Variants in CCDC122 observed in about 807,000 individuals in gnomAD.
CCDC122 encodes coiled-coil domain containing 122, also known as coiled-coil domain-containing protein 122.
CCDC122 carries 38 observed loss-of-function variants against 37.0 expected under a neutral mutation model. The observed-to-expected ratio is 1.03, with a 90% confidence interval of 0.79 to 1.35. The LOEUF (loss-of-function observed/expected upper bound fraction) is 1.35. Ranked by LOEUF, CCDC122 falls within the 40% of genes most tolerant of loss-of-function variation. The pLI, the probability that CCDC122 is intolerant of heterozygous loss-of-function variation, is 0.00. For missense variants in CCDC122, 305 were observed against 310.0 expected (o/e 0.98, Z 0.12); for synonymous variants, 83 against 95.6 (o/e 0.87, Z 0.77).
Position 43,825,694 on chromosome 13 carries a change from C to T in CCDC122, n.602-1683G>A, listed in dbSNP as rs556153979. Among the ~76,000 whole-genome samples the T allele has an allele frequency of 5.7e-5, 8 of 140,678 alleles. No homozygotes were observed. In the East Asian group the frequency reaches 1.4e-3, roughly 24 times the overall value. 92.3% of individuals were successfully genotyped at this position (140,678 alleles called of 152,430 possible). On this transcript the variant is annotated intron_variant and non_coding_transcript_variant, in intron 3 of 3. Coordinates refer to the CCDC122 transcript ENST00000470137. ...CTGAGGCAGGAGAATCACTTGAACT[C>T]GGGAGGCGGAGGTTGCAGTGAGTTG...
chr13:43,841,688 G>C (rs1302706747), intron 6 of CCDC122, among the ~76,000 whole-genome samples: 1 of 151,980 alleles, frequency 6.6e-6, no homozygotes, highest in African/African-American at 2.4e-5. Context: ...TTTTACTTTT[G>C]TGATTCTGTC....
chr13:43,873,429 T>A (rs1954508178), intron 2 of CCDC122, among the ~76,000 whole-genome samples: 4 of 152,138 alleles, frequency 2.6e-5, no homozygotes, highest in Admixed American at 1.3e-4. Context: ...CTCAGTAAAT[T>A]ATAAGTTCAT....
rs1953199604 is a variant in CCDC122 at position 43,837,346 on chromosome 13, T to G, written c.756A>C (p.Gln252His). ...TTTTTTCCAATTGTTGAATGTTCCA[T>G]TGCCACTGTCGTCTATTTGACTGAA... is the stretch of plus-strand genomic sequence containing the variant. The part of the protein sequence containing the change: ...NKLQSNRRQW[Q>H]WNIQQLEKTA... The change falls in exon 7 of 7, where the codon CAA (glutamine) becomes CAC (histidine). Residue 252 changes from glutamine (Q) to histidine (H), a missense_variant. By Grantham distance (24) the Gln-to-His change is conservative. Coordinates refer to ENST00000444614, the MANE Select transcript of CCDC122 (RefSeq NM_144974.5). 1 of 1,613,952 alleles carries G rather than the reference T, an allele frequency of 6.2e-7. No individual in the cohort carries two copies. Among genetic ancestry groups the G allele is most frequent in the East Asian group, 2.2e-5 (1 of 44,872 alleles).
intron 3 of CCDC122, among the ~76,000 whole-genome samples, chr13:43,825,487 A>T (rs1369687806): frequency 6.6e-6 from 1 of 151,850 alleles, no homozygotes; most frequent in East Asian, 1.9e-4. Context: ...AGGAGGGTGT[A>T]GGCCAGGGAT....
At chr13:43,865,620 A>C (rs890067356) in intron 4 of CCDC122, among the ~76,000 whole-genome samples, 3 of 152,126 alleles carry the variant, frequency 2.0e-5, no homozygotes, top group African/African-American at 7.2e-5. Flanking sequence ...ACTGTACTCA[A>C]CATGCCCAGC....
chr13:43,856,009 A>G (rs1192724871), intron 6 of CCDC122: 1 of 152,244 alleles, frequency 6.6e-6, no homozygotes, highest in Non-Finnish European at 1.5e-5. Flanking sequence ...CATATACACC[A>G]TGAAATACTA....
intron 6 of CCDC122, among the ~76,000 whole-genome samples, chr13:43,841,610 T>C (rs1953355034): frequency 6.6e-6 from 1 of 152,250 alleles, no homozygotes; most frequent in Non-Finnish European, 1.5e-5. Context: ...TATTATAGGC[T>C]GATAGGATTT....
chr13:43,844,245 A>G (rs775315654), intron 6 of CCDC122, among the ~76,000 whole-genome samples: 14 of 151,818 alleles, frequency 9.2e-5, no homozygotes, highest in Non-Finnish European at 1.8e-4. Context: ...ATTATCCTTC[A>G]ATTTCAAATA....
At chr13:43,823,562 C>A (rs1953011735), downstream of CCDC122, among the ~76,000 whole-genome samples, 1 of 152,216 alleles carries the variant, frequency 6.6e-6, no homozygotes, top group South Asian at 2.1e-4. Flanking sequence ...TTCAAGTTTA[C>A]CTAGGACATC....
intron 6 of CCDC122, among the ~76,000 whole-genome samples, chr13:43,838,001 C>A (rs959613659): frequency 2.6e-5 from 4 of 152,082 alleles, no homozygotes; most frequent in Non-Finnish European, 5.9e-5. Context: ...GCTGACTATA[C>A]CATATTCAAA....
At chr13:43,831,859 C>A (rs1217380465), downstream of CCDC122, among the ~76,000 whole-genome samples, 3 of 152,014 alleles carry the variant, frequency 2.0e-5, no homozygotes, top group Non-Finnish European at 4.4e-5. Context: ...AAACAGCAAC[C>A]CTGTCATTAC....
chr13:43,821,558 C>T (rs940357580), downstream of CCDC122, among the ~76,000 whole-genome samples: 3 of 152,150 alleles, frequency 2.0e-5, no homozygotes, highest in Non-Finnish European at 4.4e-5. Flanking sequence ...CTGCTCTTAT[C>T]CCTTTGAATA....
intron 3 of CCDC122, among the ~76,000 whole-genome samples, chr13:43,827,067 T>C (rs1376405211): frequency 1.3e-5 from 2 of 152,194 alleles, no homozygotes; most frequent in African/African-American, 4.8e-5. Flanking sequence ...CGTTTTCTTT[T>C]AAAGATGGAA....
chr13:43,868,666 C>T, intron 4 of CCDC122, 28 bp downstream of exon 4: 1 of 1,172,360 alleles, frequency 8.5e-7, no homozygotes, highest in Non-Finnish European at 1.2e-6. Context: ...AAAGTAAAGA[C>T]ATTTAAAAGA....
At chr13:43,829,949 C>T (rs1244562102) in intron 3 of CCDC122, among the ~76,000 whole-genome samples, 3 of 152,174 alleles carry the variant, frequency 2.0e-5, no homozygotes, top group South Asian at 4.1e-4. Flanking sequence ...GATCTCAGCT[C>T]ACTGCAGCCT....
intron 4 of CCDC122, among the ~76,000 whole-genome samples, chr13:43,868,230 T>C (rs1292729796): frequency 6.6e-6 from 1 of 152,102 alleles, no homozygotes; most frequent in South Asian, 2.1e-4. Flanking sequence ...TCTAATTACG[T>C]TGCATGCGAA....
At chr13:43,825,642 C>G (rs746329889) in intron 3 of CCDC122, among the ~76,000 whole-genome samples, 1 of 151,964 alleles carries the variant, frequency 6.6e-6, no homozygotes, top group African/African-American at 2.4e-5. Flanking sequence ...TGGTGGTGTG[C>G]GCTTGTAGTC....
chr13:43,837,132 TA>T lies in CCDC122; in HGVS notation c.*147del, dbSNP rs1025833014. The T allele has an allele frequency of 1.4e-5, 10 of 725,628 alleles. No individual in the cohort carries two copies. The highest frequency in any genetic ancestry group is 3.6e-5 in the African/African-American group (2 of 56,108). The allele number at this position is 725,628 out of a possible 1,614,324, so 44.9% of individuals were successfully genotyped here. On this transcript the variant is annotated 3_prime_UTR_variant, in exon 7 of 7. Transcript: ENST00000444614. Reference sequence around the variant, plus strand: ...CATTTTAACAAATCGATGACTGATTTAAAAAAAACAACAACCGAAGACATCT... The same window carrying T: ...CATTTTAACAAATCGATGACTGATTTAAAAAAACAACAACCGAAGACATCT...
At chr13:43,854,009 A>G (rs1953827570) in intron 6 of CCDC122, 1 of 152,206 alleles carries the variant, frequency 6.6e-6, no homozygotes, top group Admixed American at 6.5e-5. Flanking sequence ...GGAAATTTAT[A>G]GCACTAAATG....
Sources: allele counts gnomAD v4.1 joint callset (sites outside exome capture counted in the v4.1 genomes callset), GRCh38; gene constraint gnomAD v4.1.1; transcripts MANE v1.5; gene names NCBI Gene and HGNC (gene_info 2026-07-23, HGNC 2026-07-21).